FAM83B: variants seen among roughly 807,000 people sequenced by gnomAD.
The protein encoded by FAM83B is scaffolding CK1 anchoring protein B.
In FAM83B, 26 loss-of-function variants were observed where a neutral mutation model predicts 38.8. The observed-to-expected ratio is 0.67, with a 90% CI of 0.49 to 0.93. FAM83B has a LOEUF of 0.93. FAM83B is among the 40% of genes least tolerant of loss of function. The pLI, the probability that FAM83B is intolerant of heterozygous loss-of-function variation, is 0.00. For missense variants in FAM83B, 1,237 were observed against 1,197.3 expected (o/e 1.03, Z -0.49); for synonymous variants, 419 against 423.1 (o/e 0.99, Z 0.12).
At chr6:54,936,464 T>C (rs1773527172) in intron 4 of FAM83B, among the ~76,000 whole-genome samples, 1 of 152,098 alleles carries the variant, frequency 6.6e-6, no homozygotes, top group Non-Finnish European at 1.5e-5. Flanking sequence ...ACAATAGTAC[T>C]ACAAATAGCT....
At chr6:54,856,163 C>T (rs944640675) in intron 1 of FAM83B, among the ~76,000 whole-genome samples, 4 of 152,142 alleles carry the variant, frequency 2.6e-5, no homozygotes, top group Non-Finnish European at 5.9e-5. Context: ...GAACTTTGAG[C>T]TGCGAAGGAG....
At chr6:54,888,048 T>A (rs1772321214) in intron 2 of FAM83B, among the ~76,000 whole-genome samples, 1 of 149,906 alleles carries the variant, frequency 6.7e-6, no homozygotes, top group African/African-American at 2.4e-5. Flanking sequence ...ATCATTCACA[T>A]AGGTTTTATT....
In FAM83B at chr6:54,939,976, T is replaced by C; in HGVS notation, c.1005T>C (p.Ser335=). 1 of 1,614,048 alleles carries C rather than the reference T, an allele frequency of 6.2e-7. No individual in the cohort carries two copies. The highest frequency in any genetic ancestry group is 8.5e-7 in the Non-Finnish European group (1 of 1,179,982). The change falls in exon 5 of 5, where the codon AGT becomes AGC. Residue 335 remains serine (S), a synonymous_variant. Coordinates refer to ENST00000306858, the MANE Select transcript of FAM83B (RefSeq NM_001010872.3). ...RQDKIHKLDS[S]YFKNRGIYTL... ...ACAAGATTCATAAACTAGATTCCAG[T>C]TACTTCAAAAACAGAGGGATATATA...
At chr6:54,936,082 A>G (rs977097001) in intron 4 of FAM83B, among the ~76,000 whole-genome samples, 1 of 152,124 alleles carries the variant, frequency 6.6e-6, no homozygotes, top group Non-Finnish European at 1.5e-5. Flanking sequence ...CTTCATAGTT[A>G]ATGGCATAGA....
intron 4 of FAM83B, among the ~76,000 whole-genome samples, chr6:54,936,415 T>C (rs910361308): frequency 6.6e-5 from 10 of 152,084 alleles, no homozygotes; most frequent in African/African-American, 2.4e-4. Context: ...ATTATTCCTA[T>C]TTCTACTTTG....
chr6:54,857,527 C>T (rs9475048), intron 1 of FAM83B, among the ~76,000 whole-genome samples: 3,333 of 152,082 alleles, frequency 0.022, 127 homozygotes, highest in African/African-American at 0.076. Flanking sequence ...AGGGGTAGGT[C>T]GACAGATCTC....
chr6:54,914,914 A>G (rs1207356515), intron 2 of FAM83B, among the ~76,000 whole-genome samples: 3 of 152,122 alleles, frequency 2.0e-5, no homozygotes, highest in Non-Finnish European at 4.4e-5. Context: ...CCACCAAAAT[A>G]TGCCTTTTCA....
At chr6:54,872,365 A>G (rs1561909614) in intron 2 of FAM83B, among the ~76,000 whole-genome samples, 1 of 152,216 alleles carries the variant, frequency 6.6e-6, no homozygotes, top group Non-Finnish European at 1.5e-5. Context: ...TTGAGGCTAT[A>G]TGTGAGTCTT....
At chr6:54,862,873 C>G (rs576004835) in intron 1 of FAM83B, among the ~76,000 whole-genome samples, 5 of 151,518 alleles carry the variant, frequency 3.3e-5, no homozygotes, top group African/African-American at 1.2e-4. Flanking sequence ...GCAAAAACCC[C>G]CCCCCAAAAA....
intron 2 of FAM83B, among the ~76,000 whole-genome samples, chr6:54,876,914 G>C (rs990072170): frequency 1.3e-5 from 2 of 151,920 alleles, no homozygotes; most frequent in Admixed American, 1.3e-4. Context: ...CCTGTCTCTG[G>C]TTTAAAATAA....
At chr6:54,902,240 G>T (rs1228395673) in intron 2 of FAM83B, among the ~76,000 whole-genome samples, 1 of 151,980 alleles carries the variant, frequency 6.6e-6, no homozygotes, top group African/African-American at 2.4e-5. Flanking sequence ...ATAAATTATG[G>T]ATTTATTTTT....
chr6:54,869,604 G>T (rs965770683), intron 1 of FAM83B, among the ~76,000 whole-genome samples: 6 of 152,002 alleles, frequency 3.9e-5, no homozygotes, highest in South Asian at 4.2e-4. Flanking sequence ...CACCTGATCA[G>T]ATTCTTACTC....
intron 2 of FAM83B, among the ~76,000 whole-genome samples, chr6:54,883,548 C>T (rs1772191478): frequency 6.7e-6 from 1 of 149,876 alleles, no homozygotes; most frequent in Non-Finnish European, 1.5e-5. Flanking sequence ...GTTGGTCAGG[C>T]TGGTCTCGAA....
intron 2 of FAM83B, among the ~76,000 whole-genome samples, chr6:54,883,209 C>T (rs1268736082): frequency 6.6e-6 from 1 of 152,112 alleles, no homozygotes; most frequent in African/African-American, 2.4e-5. Context: ...TCCCAAAGTG[C>T]TGGGATTACA....
At chr6:54,936,102 C>T (rs1264433133) in intron 4 of FAM83B, among the ~76,000 whole-genome samples, 6 of 152,046 alleles carry the variant, frequency 3.9e-5, no homozygotes, top group Non-Finnish European at 4.4e-5. Flanking sequence ...AAATCACCTA[C>T]GATAATAGAG....
chr6:54,927,554 C>G lies in FAM83B; in HGVS notation c.656C>G (p.Thr219Arg). 1 of 1,608,036 alleles carries G rather than the reference C, an allele frequency of 6.2e-7. No homozygotes were observed. The highest frequency in any genetic ancestry group is 8.5e-7 in the Non-Finnish European group (1 of 1,176,558). The change falls in exon 4 of 5, where the codon ACA becomes AGA. Residue 219 changes from threonine to arginine, a missense_variant. Physicochemically the swap from Thr to Arg is moderately conservative, Grantham distance 71. Transcript: ENST00000306858. ...TVKGQDYLSKTGAKFHGKMEQ... is the reference protein window; with the variant it reads ...TVKGQDYLSKRGAKFHGKMEQ... The stretch of plus-strand genomic sequence containing the variant: ...AAAGGCCAAGATTATCTTTCAAAAA[C>G]AGGGGCAAAATTCCATGGAAAAATG...
chr6:54,862,038 A>G (rs952935974), intron 1 of FAM83B, among the ~76,000 whole-genome samples: 3 of 152,192 alleles, frequency 2.0e-5, no homozygotes, highest in Non-Finnish European at 4.4e-5. Context: ...GAATGCCTTT[A>G]TTATTCAATC....
At chr6:54,926,252 T>G in intron 2 of FAM83B, 119 bp from the exon 3 acceptor site, 1 of 497,440 alleles carries the variant, frequency 2.0e-6, no homozygotes. Context: ...TATTTGTATA[T>G]ACATACATAT....
chr6:54,852,891 A>G (rs1771341564), intron 1 of FAM83B, among the ~76,000 whole-genome samples: 1 of 152,182 alleles, frequency 6.6e-6, no homozygotes, highest in South Asian at 2.1e-4. Context: ...ATGCTGCCCA[A>G]TACAAATTTG....
Sources: gnomAD v4.1 joint callset for allele counts (sites outside exome capture counted in the v4.1 genomes callset) on GRCh38, gnomAD v4.1.1 for gene constraint, MANE v1.5 for transcripts, NCBI Gene and HGNC (gene_info 2026-07-23, HGNC 2026-07-21) for gene names.